DOK7: variants seen among roughly 807,000 people sequenced by gnomAD.
The protein encoded by DOK7 is docking protein 7, also known as protein Dok-7.
In DOK7, 32 loss-of-function variants were observed where a neutral mutation model predicts 30.7. The observed-to-expected ratio is 1.04, with a 90% CI of 0.79 to 1.40. The LOEUF (loss-of-function observed/expected upper bound fraction) is 1.40. Ranked by LOEUF, DOK7 falls within the 40% of genes most tolerant of loss-of-function variation. The pLI, the probability that DOK7 is intolerant of heterozygous loss-of-function variation, is 0.00. For synonymous variants in DOK7, 447 were observed against 324.1 expected (o/e 1.38, Z -4.07); for missense variants, 1,007 against 699.2 (o/e 1.44, Z -4.97).
At position 3,476,483 on chromosome 4, in the gene DOK7, G is replaced by A. The variant is rs754633490; in HGVS notation, c.473G>A (p.Arg158Gln). The A allele has an allele frequency of 3.7e-6, 6 of 1,613,846 alleles. No individual in the cohort carries two copies. The highest frequency in any genetic ancestry group is 1.1e-5 in the South Asian group (1 of 91,066). ...GGGCAGTGGAAGCTGTCTGACCTCC[G>A]GCGCTACGGGGCCGTGCCAAGCGGA... ...VTGQWKLSDLRRYGAVPSGFI... is the reference protein window; with the variant it reads ...VTGQWKLSDLQRYGAVPSGFI... Residue 158 changes from arginine (R) to glutamine (Q), a missense_variant, in exon 4 of 7, where the codon CGG becomes CAG. Transcript: ENST00000340083.
At position 3,494,324 on chromosome 4, in the gene DOK7, T is replaced by C; in HGVS notation, c.*823T>C. ...GGAGGTGGGGCTGTGTTGGGCCCATTGTCCCCCGCCCTGGGTGGCTTCCTC... is the reference window on the plus strand; with the variant it reads ...GGAGGTGGGGCTGTGTTGGGCCCATCGTCCCCCGCCCTGGGTGGCTTCCTC... On this transcript the variant is annotated 3_prime_UTR_variant, in exon 7 of 7. Coordinates refer to ENST00000340083, the MANE Select transcript of DOK7 (RefSeq NM_173660.5). 2 of 985,778 alleles carry C rather than the reference T, an allele frequency of 2.0e-6. No homozygotes were observed. The highest frequency in any genetic ancestry group is 2.4e-6 in the Non-Finnish European group (2 of 830,196). The allele number at this position is 985,778 out of a possible 1,614,324, so 61.1% of individuals were successfully genotyped here. A position where few individuals can be genotyped will look rare whatever the true frequency, so the allele number is the denominator to read the frequency against.
chr4:3,467,514 G>C (rs1339877991), intron 2 of DOK7, among the ~76,000 whole-genome samples: 3 of 125,404 alleles, frequency 2.4e-5, no homozygotes, highest in African/African-American at 9.3e-5. Flanking sequence ...TGGATTCCTC[G>C]TTTCCCTGTG....
intron 6 of DOK7, chr4:3,500,134 GGA>G: frequency 7.9e-7 from 1 of 1,272,168 alleles, no homozygotes; most frequent in Non-Finnish European, 1.1e-6. Flanking sequence ...CCAAGGTGCA[GGA>G]GAGGCGGAGT....
downstream of DOK7, among the ~76,000 whole-genome samples, chr4:3,497,099 G>T (rs958878606): frequency 4.6e-5 from 7 of 151,906 alleles, no homozygotes; most frequent in Non-Finnish European, 8.8e-5. Context: ...GGCAGTGGGG[G>T]TGAGTCCCAG....
intron 6 of DOK7, 120 bp downstream of exon 6, chr4:3,489,916 TCTG>T: frequency 7.0e-7 from 1 of 1,427,726 alleles, no homozygotes; most frequent in Non-Finnish European, 9.3e-7. Context: ...ATTCATTCCT[TCTG>T]TCTCCTGCTC....
In DOK7 at chr4:3,493,719, C is replaced by T. The variant is rs10022432; in HGVS notation, c.*218C>T. 816,360 of 1,427,712 alleles carry T rather than the reference C, an allele frequency of 0.57. 238,886 individuals carry two copies. The highest frequency in any genetic ancestry group is 0.92 in the East Asian group (36,327 of 39,308). The allele number at this position is 1,427,712 out of a possible 1,614,324, so 88.4% of individuals were successfully genotyped here. On this transcript the variant is annotated 3_prime_UTR_variant, in exon 7 of 7. Coordinates refer to ENST00000340083, the MANE Select transcript of DOK7 (RefSeq NM_173660.5). ...TTCTGGAAGGCAGGGGCTCTGGGTC[C>T]GGCAGGTCGGGGTCACCAGAGCCCC...
chr4:3,499,349 G>T (rs1729080889), downstream of DOK7, among the ~76,000 whole-genome samples: 1 of 152,172 alleles, frequency 6.6e-6, no homozygotes, highest in Non-Finnish European at 1.5e-5. Context: ...AATGGGGGGG[G>T]ACTTGCTGTC....
intron 4 of DOK7, among the ~76,000 whole-genome samples, chr4:3,483,377 C>T (rs1049524079): frequency 6.6e-6 from 1 of 152,058 alleles, no homozygotes; most frequent in Admixed American, 6.5e-5. Flanking sequence ...GGAGGCCCAG[C>T]GAGAGCCTAG....
chr4:3,482,293 T>C (rs747500371), intron 4 of DOK7, among the ~76,000 whole-genome samples: 3 of 152,340 alleles, frequency 2.0e-5, no homozygotes, highest in East Asian at 1.9e-4. Flanking sequence ...AGCTCATCTC[T>C]GCCCCATGAG....
chr4:3,484,128 C>A (rs1021282542), intron 4 of DOK7, among the ~76,000 whole-genome samples: 1 of 152,196 alleles, frequency 6.6e-6, no homozygotes, highest in East Asian at 1.9e-4. Flanking sequence ...GGACAGGTGG[C>A]GTGCCTTCTC....
Position 3,485,510 on chromosome 4 carries a change from A to G in DOK7, c.533-29A>G, listed in dbSNP as rs2006791. ...GGTCCCCAGCCCGCCCTCGGGCCAG[A>G]CTGACCTGTCTCTGTCCTTCCTCTG... On this transcript the variant is annotated intron_variant, in intron 4 of 6. Coordinates refer to ENST00000340083, the MANE Select transcript of DOK7 (RefSeq NM_173660.5). The G allele has an allele frequency of 0.72, 1,117,449 of 1,549,968 alleles. 405,822 individuals are homozygous for G. Among genetic ancestry groups the G allele is most frequent in the East Asian group, 0.94 (38,516 of 40,930 alleles).
chr4:3,473,161 G>A (rs1345377324), intron 2 of DOK7, among the ~76,000 whole-genome samples: 2 of 152,264 alleles, frequency 1.3e-5, no homozygotes, highest in Admixed American at 6.5e-5. Flanking sequence ...GGGAGCCAGC[G>A]TCGGGGGCTG....
rs960372305 is a variant in DOK7, at chr4:3,493,814, C to T, written c.*313C>T. 26 of 1,270,058 alleles carry T rather than the reference C, an allele frequency of 2.0e-5. No homozygotes were observed. Among genetic ancestry groups the T allele is most frequent in the African/African-American group, 1.1e-4 (7 of 64,868 alleles). The allele number at this position is 1,270,058 out of a possible 1,614,324, so 78.7% of individuals were successfully genotyped here. A position where few individuals can be genotyped will look rare whatever the true frequency, so the allele number is the denominator to read the frequency against. On this transcript the variant is annotated 3_prime_UTR_variant, in exon 7 of 7. Coordinates refer to ENST00000340083, the MANE Select transcript of DOK7 (RefSeq NM_173660.5). ...GGTGAGTGCTGCACCTCTGTTGGCTCGTGCCTTGCACTGGGGTGCCAAGGG... is the reference window on the plus strand; with the variant it reads ...GGTGAGTGCTGCACCTCTGTTGGCTTGTGCCTTGCACTGGGGTGCCAAGGG...
Position 3,493,956 on chromosome 4 carries a change from C to A in DOK7, c.*455C>A. ...CACCACCTGTTAAGCATCAAGCTAC[C>A]ACAGAGGCTCCGGCCACCTGGGCTC... is the stretch of plus-strand genomic sequence containing the variant. On this transcript the variant is annotated 3_prime_UTR_variant, in exon 7 of 7. Coordinates refer to ENST00000340083, the MANE Select transcript of DOK7 (RefSeq NM_173660.5). 1 of 1,002,754 alleles carries A rather than the reference C, an allele frequency of 1.0e-6. No individual in the cohort carries two copies. The highest frequency in any genetic ancestry group is 1.2e-6 in the Non-Finnish European group (1 of 842,254). The allele number at this position is 1,002,754 out of a possible 1,614,324, so 62.1% of individuals were successfully genotyped here.
At chr4:3,490,780 GGCTCATTCATTCCTTCCTCTGCCCCCCC>G (rs202133055) in intron 6 of DOK7, among the ~76,000 whole-genome samples, 2,677 of 35,588 alleles carry the variant, frequency 0.075, 50 homozygotes, top group Admixed American at 0.13. Flanking sequence ...CTTCTCCCCC[GGCTCATTCATTCCTTCCTCTGCCCCCCC>G]GCTCATTCAT....
chr4:3,489,866 C>T, intron 6 of DOK7, 70 bp downstream of exon 6: 1 of 1,537,364 alleles, frequency 6.5e-7, no homozygotes, highest in Non-Finnish European at 8.8e-7. Context: ...CAGGAGGCAT[C>T]CATGCATGTG....
Position 3,493,620 on chromosome 4 carries a change from T to G in DOK7, c.*119T>G, listed in dbSNP as rs1353829555. On this transcript the variant is annotated 3_prime_UTR_variant, in exon 7 of 7. Coordinates refer to ENST00000340083, the MANE Select transcript of DOK7 (RefSeq NM_173660.5). The stretch of plus-strand genomic sequence containing the variant: ...TGTGTTCTGTGGGAGGGACCGGGGG[T>G]CTCCCGGAGAGGGGAGCTGGAGGGC... The G allele has an allele frequency of 1.3e-6, 2 of 1,498,754 alleles. No homozygotes were observed. Among genetic ancestry groups the G allele is most frequent in the Non-Finnish European group, 1.8e-6 (2 of 1,121,254 alleles). The allele number at this position is 1,498,754 out of a possible 1,614,324, so 92.8% of individuals were successfully genotyped here. A position where few individuals can be genotyped will look rare whatever the true frequency, so the allele number is the denominator to read the frequency against.
Position 3,476,496 on chromosome 4 carries a change from C to T in DOK7, c.486C>T (p.Ala162=), listed in dbSNP as rs371609452. 52 of 1,613,792 alleles carry T rather than the reference C, an allele frequency of 3.2e-5. No homozygotes were observed. The highest frequency in any genetic ancestry group is 3.3e-4 in the Middle Eastern group (2 of 6,082). The part of the protein sequence containing the change: ...WKLSDLRRYG[A]VPSGFIFEGG... ...TGTCTGACCTCCGGCGCTACGGGGC[C>T]GTGCCAAGCGGATTCATCTTTGAAG... The change falls in exon 4 of 7, where the codon GCC becomes GCT. Residue 162 remains alanine (A), a synonymous_variant. Coordinates refer to ENST00000340083, the MANE Select transcript of DOK7 (RefSeq NM_173660.5).
At chr4:3,475,810 G>C (rs1727021663) in intron 3 of DOK7, among the ~76,000 whole-genome samples, 1 of 152,120 alleles carries the variant, frequency 6.6e-6, no homozygotes, top group Non-Finnish European at 1.5e-5. Flanking sequence ...AGCCCAGCCA[G>C]GGCACTCAGC....
Sources: gnomAD v4.1 joint callset for allele counts (sites outside exome capture counted in the v4.1 genomes callset) on GRCh38, gnomAD v4.1.1 for gene constraint, MANE v1.5 for transcripts, NCBI Gene and HGNC (gene_info 2026-07-23, HGNC 2026-07-21) for gene names.